The following ZFHX4 variants were observed in gnomAD, a reference collection of about 807,000 sequenced individuals.
ZFHX4 encodes zinc finger homeobox protein 4.
Under a neutral mutation model 267.6 loss-of-function variants are expected in ZFHX4, and 56 were observed. The ratio of observed to expected loss-of-function variants is 0.21; its 90% CI spans 0.17 to 0.26. The LOEUF is 0.26. ZFHX4 is among the 10% of genes least tolerant of loss of function. ZFHX4 has a pLI of 1.00. For missense variants in ZFHX4, 4,332 were observed against 4,420.0 expected (o/e 0.98, Z 0.56); for synonymous variants, 1,778 against 1,665.6 (o/e 1.07, Z -1.64).
intron 4 of ZFHX4, among the ~76,000 whole-genome samples, chr8:76,826,910 A>T (rs1393581473): frequency 1.3e-5 from 2 of 152,230 alleles, no homozygotes; most frequent in African/African-American, 4.8e-5. Flanking sequence ...CAAAGAGTTG[A>T]AATAACTAGC....
At chr8:76,756,274 A>G (rs1053417474) in intron 3 of ZFHX4, among the ~76,000 whole-genome samples, 2 of 152,234 alleles carry the variant, frequency 1.3e-5, no homozygotes, top group Non-Finnish European at 2.9e-5. Flanking sequence ...TTTATTTCAC[A>G]TGCTAGTGTA....
intron 3 of ZFHX4, among the ~76,000 whole-genome samples, chr8:76,743,519 G>A (rs1321113094): frequency 6.6e-6 from 1 of 152,156 alleles, no homozygotes; most frequent in Non-Finnish European, 1.5e-5. Flanking sequence ...AGTTTTATGA[G>A]GAAACCTTAA....
At chr8:76,755,409 A>G (rs1299671226) in intron 3 of ZFHX4, among the ~76,000 whole-genome samples, 1 of 152,174 alleles carries the variant, frequency 6.6e-6, no homozygotes, top group Non-Finnish European at 1.5e-5. Context: ...TTCTTGAGAA[A>G]TGCATATTAC....
chr8:76,834,276 G>C (rs543958427), intron 5 of ZFHX4: 9 of 252,232 alleles, frequency 3.6e-5, no homozygotes, highest in African/African-American at 1.8e-4. Context: ...TAGATTGTAT[G>C]ATAAGAGCAT....
chr8:76,765,949 A>G (rs532803753), intron 3 of ZFHX4, among the ~76,000 whole-genome samples: 4 of 152,248 alleles, frequency 2.6e-5, no homozygotes, highest in Admixed American at 6.5e-5. Context: ...CCATGCTTTC[A>G]TCTTCATCAC....
chr8:76,797,630 T>G (rs1227212821), intron 4 of ZFHX4, among the ~76,000 whole-genome samples: 3 of 152,198 alleles, frequency 2.0e-5, no homozygotes, highest in African/African-American at 7.2e-5. Flanking sequence ...CAACTTGTTC[T>G]GCTGAACAAG....
chr8:76,812,030 A>G (rs2131846416), intron 4 of ZFHX4, among the ~76,000 whole-genome samples: 1 of 152,356 alleles, frequency 6.6e-6, no homozygotes, highest in East Asian at 1.9e-4. Flanking sequence ...TTGCTTTAAA[A>G]TAGTTTAATT....
chr8:76,802,633 CA>C (rs1811143791), intron 4 of ZFHX4, among the ~76,000 whole-genome samples: 1 of 152,140 alleles, frequency 6.6e-6, no homozygotes, highest in Non-Finnish European at 1.5e-5. Flanking sequence ...TGATATGGTA[CA>C]AAATGTGCCT....
At chr8:76,842,443 G>A (rs1005538144) in intron 5 of ZFHX4, among the ~76,000 whole-genome samples, 12 of 152,090 alleles carry the variant, frequency 7.9e-5, no homozygotes, top group Non-Finnish European at 1.6e-4. Context: ...CCTCTCAATG[G>A]ATACAAAAGA....
At chr8:76,760,704 G>T (rs543315910) in intron 3 of ZFHX4, among the ~76,000 whole-genome samples, 4 of 152,148 alleles carry the variant, frequency 2.6e-5, no homozygotes, top group Non-Finnish European at 5.9e-5. Context: ...AGGGCCAGAG[G>T]ATCACATGAG....
At chr8:76,749,033 A>G (rs1250241565) in intron 3 of ZFHX4, among the ~76,000 whole-genome samples, 1 of 152,216 alleles carries the variant, frequency 6.6e-6, no homozygotes, top group South Asian at 2.1e-4. Context: ...AGGTGGGGAA[A>G]AAACAGTAAA....
chr8:76,828,365 A>ACAG (rs949373314), intron 4 of ZFHX4, among the ~76,000 whole-genome samples: 1 of 152,112 alleles, frequency 6.6e-6, no homozygotes, highest in African/African-American at 2.4e-5. Context: ...GCGGGGAGGT[A>ACAG]CAGAGCTTTG....
intron 2 of ZFHX4, 108 bp downstream of exon 2, chr8:76,706,786 A>G: frequency 8.4e-7 from 1 of 1,195,734 alleles, no homozygotes; most frequent in African/African-American, 1.5e-5. Context: ...AGGACAGCTT[A>G]CTAGAAAGGA....
chr8:76,762,609 T>A (rs75576413), intron 3 of ZFHX4, among the ~76,000 whole-genome samples: 2,589 of 152,274 alleles, frequency 0.017, 81 homozygotes, highest in African/African-American at 0.057. Context: ...CCAAATTTTT[T>A]AAAATTACCA....
At chr8:76,773,879 A>C (rs1287216899) in intron 3 of ZFHX4, among the ~76,000 whole-genome samples, 1 of 152,162 alleles carries the variant, frequency 6.6e-6, no homozygotes, top group South Asian at 2.1e-4. Flanking sequence ...GCATCATTTT[A>C]AGTTTAATAA....
At chr8:76,846,101 G>GA in intron 6 of ZFHX4, among the ~76,000 whole-genome samples, 1 of 151,954 alleles carries the variant, frequency 6.6e-6, no homozygotes, top group East Asian at 1.9e-4. Context: ...ATACAACTTA[G>GA]AAAAGAGACC....
intron 10 of ZFHX4, among the ~76,000 whole-genome samples, chr8:76,859,162 G>A (rs2131971198): frequency 6.6e-6 from 1 of 152,252 alleles, no homozygotes; most frequent in East Asian, 1.9e-4. Flanking sequence ...TTGGATATCG[G>A]TTTTAATGCT....
intron 4 of ZFHX4, among the ~76,000 whole-genome samples, chr8:76,784,116 T>G (rs1161243512): frequency 6.6e-6 from 1 of 151,994 alleles, no homozygotes; most frequent in Non-Finnish European, 1.5e-5. Flanking sequence ...GTTGGACAAA[T>G]AAGATTAGAT....
At chr8:76,707,497 G>A (rs1563474791) in intron 2 of ZFHX4, 49 bp from the exon 3 acceptor site, 16 of 1,424,810 alleles carry the variant, frequency 1.1e-5, no homozygotes, top group Non-Finnish European at 1.3e-5. Flanking sequence ...CTTTGTGTGT[G>A]CTGTGTTTTC....
Sources: gnomAD v4.1 joint callset for allele counts (sites outside exome capture counted in the v4.1 genomes callset) on GRCh38, gnomAD v4.1.1 for gene constraint, MANE v1.5 for transcripts, NCBI Gene and HGNC (gene_info 2026-07-23, HGNC 2026-07-21) for gene names.